Variants in GNAI1 observed in about 807,000 individuals in gnomAD.
GNAI1 encodes the protein guanine nucleotide-binding protein G(i) subunit alpha-1.
GNAI1 carries 11 observed loss-of-function variants against 38.9 expected under a neutral mutation model. That is an observed-to-expected ratio of 0.28 (90% CI 0.18 to 0.47). The LOEUF is 0.47. GNAI1 is among the 20% of genes least tolerant of loss of function. The pLI, the probability that GNAI1 is intolerant of heterozygous loss-of-function variation, is 0.99. For missense variants in GNAI1, 317 were observed against 436.9 expected (o/e 0.73, Z 2.45); for synonymous variants, 166 against 145.1 (o/e 1.14, Z -1.04).
intron 1 of GNAI1, among the ~76,000 whole-genome samples, chr7:80,179,026 G>A (rs1240883243): frequency 6.6e-6 from 1 of 152,132 alleles, no homozygotes; most frequent in Non-Finnish European, 1.5e-5. Flanking sequence ...TATATTAAAT[G>A]CAGGAATAGA....
intron 1 of GNAI1, among the ~76,000 whole-genome samples, chr7:80,138,833 G>A (rs1019562104): frequency 6.6e-6 from 1 of 151,874 alleles, no homozygotes; most frequent in Non-Finnish European, 1.5e-5. Context: ...CTTCAGCTTG[G>A]TTTAAATATT....
At chr7:80,194,377 T>C (rs1159942915) in intron 3 of GNAI1, among the ~76,000 whole-genome samples, 1 of 152,208 alleles carries the variant, frequency 6.6e-6, no homozygotes, top group Non-Finnish European at 1.5e-5. Flanking sequence ...GTATTAACTC[T>C]TTGTCCATTA....
intron 1 of GNAI1, chr7:80,135,658 C>CCA (rs1426764363): frequency 5.8e-6 from 1 of 172,436 alleles, no homozygotes; most frequent in Middle Eastern, 1.9e-3. Flanking sequence ...ACCCCCCCCC[C>CCA]CGCGCCACCA....
intron 4 of GNAI1, 113 bp from the exon 5 acceptor site, chr7:80,203,590 CT>C: frequency 1.5e-6 from 1 of 645,608 alleles, no homozygotes; most frequent in Non-Finnish European, 2.7e-6. Flanking sequence ...AATTTAAAAA[CT>C]TTTAGTGATT....
chr7:80,213,627 AT>A (rs1162519765), intron 7 of GNAI1, among the ~76,000 whole-genome samples: 1 of 152,084 alleles, frequency 6.6e-6, no homozygotes, highest in Non-Finnish European at 1.5e-5. Context: ...AACAGAGCTA[AT>A]TACTGCCCCC....
intron 1 of GNAI1, among the ~76,000 whole-genome samples, chr7:80,139,320 C>T (rs1033399924): frequency 1.3e-5 from 2 of 152,184 alleles, no homozygotes; most frequent in African/African-American, 4.8e-5. Context: ...CTGCAGATAT[C>T]ATGCTGCTTC....
At chr7:80,180,649 G>T (rs1324564034) in intron 1 of GNAI1, among the ~76,000 whole-genome samples, 1 of 152,032 alleles carries the variant, frequency 6.6e-6, no homozygotes, top group African/African-American at 2.4e-5. Flanking sequence ...GACTCTTTGG[G>T]TCAGTGTGAC....
intron 1 of GNAI1, among the ~76,000 whole-genome samples, chr7:80,153,983 CATGA>C (rs537823617): frequency 1.6e-3 from 249 of 152,246 alleles, no homozygotes; most frequent in Middle Eastern, 0.014. Context: ...AGTGCAGAGA[CATGA>C]TCTCGGCTCA....
At chr7:80,198,083 GT>G (rs1220420452) in intron 3 of GNAI1, among the ~76,000 whole-genome samples, 7 of 146,200 alleles carry the variant, frequency 4.8e-5, no homozygotes, top group South Asian at 4.4e-4. Context: ...TTATTGTTTT[GT>G]TTTTTTTTTA....
Position 80,222,343 on chromosome 7 carries a change from G to A in GNAI1, c.*4850G>A, listed in dbSNP as rs1789093847. Among the ~76,000 whole-genome samples the A allele has an allele frequency of 6.6e-6, 1 of 150,982 alleles. No homozygotes were observed. The highest frequency in any genetic ancestry group is 2.4e-5 in the African/African-American group (1 of 41,030). Reference sequence around the variant, plus strand: ...CTAGGTCTCCATCCGTAAAGTGGATGGAAACACTGTCATTGAAGGAGCTAG... The same window carrying A: ...CTAGGTCTCCATCCGTAAAGTGGATAGAAACACTGTCATTGAAGGAGCTAG... On this transcript the variant is annotated 3_prime_UTR_variant, in exon 8 of 8. Transcript: ENST00000649796.
Position 80,175,358 on chromosome 7 carries a change from A to G in GNAI1, c.119-13593A>G, listed in dbSNP as rs563536912. On this transcript the variant is annotated intron_variant, in intron 1 of 7. Coordinates refer to ENST00000649796, the MANE Select transcript of GNAI1 (RefSeq NM_002069.6). ...AGGAAATTAAAAAATATATATGTGTATATTTATGTGTGTGTGTGTGTGTGT... is the reference window on the plus strand; with the variant it reads ...AGGAAATTAAAAAATATATATGTGTGTATTTATGTGTGTGTGTGTGTGTGT... 2.8e-5 allele frequency among the ~76,000 whole-genome samples: 4 copies of G among 142,560 alleles called. No homozygotes were observed. The South Asian group carries it at 7.0e-4, about 25-fold the overall frequency. The allele number at this position is 142,560 out of a possible 152,430, so 93.5% of individuals were successfully genotyped here.
At chr7:80,197,435 T>C (rs1013997882) in intron 3 of GNAI1, among the ~76,000 whole-genome samples, 15 of 151,984 alleles carry the variant, frequency 9.9e-5, no homozygotes, top group African/African-American at 3.4e-4. Context: ...TCTTTTTTTG[T>C]CAAAAAACGC....
chr7:80,207,266 T>C (rs936647331), intron 5 of GNAI1, among the ~76,000 whole-genome samples: 3 of 152,126 alleles, frequency 2.0e-5, no homozygotes, highest in Admixed American at 6.6e-5. Flanking sequence ...GCAGTCTGAC[T>C]ATATAAAATT....
chr7:80,147,025 C>T (rs1277843148), intron 1 of GNAI1, among the ~76,000 whole-genome samples: 1 of 152,126 alleles, frequency 6.6e-6, no homozygotes, highest in East Asian at 1.9e-4. Context: ...CATCCGCTTC[C>T]TTAGGAATGA....
intron 1 of GNAI1, among the ~76,000 whole-genome samples, chr7:80,144,442 G>A (rs926515107): frequency 6.6e-6 from 1 of 152,158 alleles, no homozygotes; most frequent in African/African-American, 2.4e-5. Context: ...GTCTTTAAAA[G>A]TGGTGGTAAC....
intron 7 of GNAI1, among the ~76,000 whole-genome samples, chr7:80,215,306 A>G (rs1450202859): frequency 6.6e-6 from 1 of 152,188 alleles, no homozygotes; most frequent in Non-Finnish European, 1.5e-5. Context: ...AAATTGAGCT[A>G]GGCACTCAAT....
intron 1 of GNAI1, among the ~76,000 whole-genome samples, chr7:80,154,779 A>G (rs1398750527): frequency 2.6e-5 from 4 of 152,316 alleles, no homozygotes; most frequent in Admixed American, 1.3e-4. Flanking sequence ...TGGTATTTAC[A>G]TTTGCAAGAA....
chr7:80,220,133 G>C lies in GNAI1; in HGVS notation c.*2640G>C, dbSNP rs1789045454. On this transcript the variant is annotated 3_prime_UTR_variant, in exon 8 of 8. Coordinates refer to ENST00000649796, the MANE Select transcript of GNAI1 (RefSeq NM_002069.6). ...TGTCAATAAAATTAAGTATAAGTTAGCCTGCCATTTAATGCTCTTCATCAC... is the reference window on the plus strand; with the variant it reads ...TGTCAATAAAATTAAGTATAAGTTACCCTGCCATTTAATGCTCTTCATCAC... Among the ~76,000 whole-genome samples, 1 of 152,068 alleles carries C rather than the reference G, an allele frequency of 6.6e-6. No homozygotes were observed. The highest frequency in any genetic ancestry group is 6.5e-5 in the Admixed American group (1 of 15,268).
chr7:80,210,773 T>C (rs1206395934), intron 5 of GNAI1, among the ~76,000 whole-genome samples, 196 bp from the exon 6 acceptor site: 2 of 151,848 alleles, frequency 1.3e-5, no homozygotes, highest in Non-Finnish European at 2.9e-5. Context: ...AATCAAAAAT[T>C]TTAAAAACTA....
Sources: gnomAD v4.1 joint callset for allele counts (sites outside exome capture counted in the v4.1 genomes callset) on GRCh38, gnomAD v4.1.1 for gene constraint, MANE v1.5 for transcripts, NCBI Gene and HGNC (gene_info 2026-07-23, HGNC 2026-07-21) for gene names.